COL25A1: variants seen among roughly 807,000 people sequenced by gnomAD.
COL25A1 encodes the protein collagen type XXV alpha 1 chain, also known as collagen alpha-1(XXV) chain.
Under a neutral mutation model 128.4 loss-of-function variants are expected in COL25A1, and 103 were observed. The observed-to-expected ratio is 0.80, with a 90% CI of 0.68 to 0.94. The LOEUF (loss-of-function observed/expected upper bound fraction) is 0.94, where lower values mean the gene tolerates loss of function less well. Among genes scored for constraint, COL25A1 ranks in the 40% least tolerant of loss-of-function variants. The probability of loss-of-function intolerance (pLI) is 0.00; values close to 1 mark genes in which losing one functional copy is unlikely to be tolerated. For missense variants in COL25A1, 745 were observed against 840.0 expected, an observed-to-expected ratio of 0.89 and a Z score of 1.40; for synonymous variants, 279 against 277.2, an observed-to-expected ratio of 1.01 and a Z score of -0.06.
Position 108,861,608 on chromosome 4 carries a change from G to A in COL25A1, c.1198-637C>T, listed in dbSNP as rs969076522. On this transcript the variant is annotated intron_variant, in intron 22 of 37. Transcript: ENST00000399132. ...ACCCAGCTCTCTCTCTTTTTTCAAT[G>A]CAATAGGAAATTTATCTGAAGTTTC... 3.1e-4 allele frequency among the ~76,000 whole-genome samples: 47 copies of A among 152,146 alleles called. 1 individual carries two copies. The highest frequency in any genetic ancestry group is 2.9e-4 in the Non-Finnish European group (20 of 68,014).
chr4:109,201,098 A>G (rs958529899), intron 3 of COL25A1, among the ~76,000 whole-genome samples: 6 of 152,170 alleles, frequency 3.9e-5, no homozygotes, highest in African/African-American at 1.4e-4. Flanking sequence ...CAATAATCTT[A>G]TCTTCCTCAC....
intron 3 of COL25A1, among the ~76,000 whole-genome samples, chr4:109,244,818 A>AT (rs1780153074): frequency 6.6e-6 from 1 of 152,118 alleles, no homozygotes; most frequent in Non-Finnish European, 1.5e-5. Flanking sequence ...ATCTTTTAAA[A>AT]TTTGCTTCCC....
chr4:109,110,556 A>C (rs979894573), intron 3 of COL25A1, among the ~76,000 whole-genome samples: 6 of 152,108 alleles, frequency 3.9e-5, no homozygotes, highest in African/African-American at 1.4e-4. Flanking sequence ...CCTGATCTCG[A>C]GGTCAATATT....
At chr4:108,922,304 C>T (rs1004629327) in intron 11 of COL25A1, among the ~76,000 whole-genome samples, 11 of 152,150 alleles carry the variant, frequency 7.2e-5, no homozygotes, top group African/African-American at 2.6e-4. Flanking sequence ...TCTATGATTC[C>T]ATTTTCTCCA....
chr4:108,940,123 G>A (rs1747906313), intron 10 of COL25A1, among the ~76,000 whole-genome samples: 1 of 152,124 alleles, frequency 6.6e-6, no homozygotes. Flanking sequence ...TTTGGAAAAT[G>A]TTATTAGACT....
intron 19 of COL25A1, 24 bp downstream of exon 19, chr4:108,884,154 C>G (rs562633391): frequency 6.2e-7 from 1 of 1,612,152 alleles, no homozygotes; most frequent in Non-Finnish European, 8.5e-7. Flanking sequence ...TCTGTGAAGC[C>G]GAGACTGTCC....
At chr4:108,936,843 C>G (rs1447419007) in intron 11 of COL25A1, among the ~76,000 whole-genome samples, 1 of 145,624 alleles carries the variant, frequency 6.9e-6, no homozygotes, top group Non-Finnish European at 1.5e-5. Flanking sequence ...AGGGTCTCAC[C>G]GTGTTACCCA....
chr4:109,258,325 A>G (rs1021399188), intron 3 of COL25A1, among the ~76,000 whole-genome samples: 2 of 152,216 alleles, frequency 1.3e-5, no homozygotes, highest in Non-Finnish European at 2.9e-5. Flanking sequence ...GCATTTTTAT[A>G]TTAAAACTGA....
rs531837617 is a variant in COL25A1, at chr4:109,200,492, C to T, written c.367+100091G>A. Among the ~76,000 whole-genome samples the T allele has an allele frequency of 2.4e-3, 361 of 152,166 alleles. 2 individuals carry two copies. The highest frequency in any genetic ancestry group is 7.9e-3 in the African/African-American group (329 of 41,518). ...GGGGTTTTTTTGAGACAGTCTCTCT[C>T]GGTCGCCCAGGCTGGAATGCAATGG... On this transcript the variant is annotated intron_variant, in intron 3 of 37. Coordinates refer to ENST00000399132, the MANE Select transcript of COL25A1 (RefSeq NM_198721.4).
chr4:109,229,810 G>A (rs1779044977), intron 3 of COL25A1, among the ~76,000 whole-genome samples: 1 of 152,142 alleles, frequency 6.6e-6, no homozygotes, highest in Non-Finnish European at 1.5e-5. Flanking sequence ...TGGAGGGTAT[G>A]CTGGGCTGTT....
At chr4:109,164,099 G>C (rs756383434) in intron 3 of COL25A1, among the ~76,000 whole-genome samples, 4 of 151,998 alleles carry the variant, frequency 2.6e-5, no homozygotes, top group Non-Finnish European at 5.9e-5. Flanking sequence ...AACAAACTCT[G>C]CTTGCTTTTT....
intron 3 of COL25A1, among the ~76,000 whole-genome samples, chr4:109,296,303 T>C (rs904394539): frequency 9.9e-5 from 15 of 152,104 alleles, no homozygotes; most frequent in African/African-American, 3.4e-4. Context: ...TACTTTTTTC[T>C]TTATTTTCCC....
chr4:109,046,289 A>G (rs557566182), intron 5 of COL25A1, among the ~76,000 whole-genome samples: 15 of 152,318 alleles, frequency 9.8e-5, no homozygotes, highest in African/African-American at 3.6e-4. Context: ...ATGTAATAAG[A>G]AAAGGAGGAA....
At chr4:109,152,001 T>A (rs542537350) in intron 3 of COL25A1, among the ~76,000 whole-genome samples, 1 of 152,256 alleles carries the variant, frequency 6.6e-6, no homozygotes, top group South Asian at 2.1e-4. Flanking sequence ...TTCCTAATGA[T>A]GTTCCTAGAT....
At chr4:109,230,151 T>A (rs1365095916) in intron 3 of COL25A1, among the ~76,000 whole-genome samples, 4 of 152,146 alleles carry the variant, frequency 2.6e-5, no homozygotes, top group South Asian at 4.1e-4. Flanking sequence ...CATTAGGGAT[T>A]ACAATTCAAC....
intron 18 of COL25A1, among the ~76,000 whole-genome samples, chr4:108,888,156 T>C (rs959771395): frequency 3.3e-5 from 5 of 152,118 alleles, no homozygotes; most frequent in Admixed American, 3.3e-4. Context: ...TGTTTTTAAA[T>C]TAGAGAAATG....
chr4:109,291,740 AAAGAAC>A (rs1235151227), intron 3 of COL25A1, among the ~76,000 whole-genome samples: 2 of 152,220 alleles, frequency 1.3e-5, no homozygotes, highest in East Asian at 1.9e-4. Context: ...ATTGTCATTA[AAAGAAC>A]AAGAACAATA....
intron 8 of COL25A1, among the ~76,000 whole-genome samples, chr4:108,944,322 T>C (rs1748477371): frequency 6.6e-6 from 1 of 152,232 alleles, no homozygotes; most frequent in Non-Finnish European, 1.5e-5. Context: ...CAATTTGCTT[T>C]TGTTTTACTA....
intron 3 of COL25A1, among the ~76,000 whole-genome samples, chr4:109,055,108 TG>T (rs1761343428): frequency 6.6e-6 from 1 of 152,190 alleles, no homozygotes; most frequent in Non-Finnish European, 1.5e-5. Context: ...CCCACCTGTT[TG>T]CTTGCTTAAT....
Sources: allele counts gnomAD v4.1 joint callset (sites outside exome capture counted in the v4.1 genomes callset), GRCh38; gene constraint gnomAD v4.1.1; transcripts MANE v1.5; gene names NCBI Gene and HGNC (gene_info 2026-07-23, HGNC 2026-07-21).